DNAJC3: variants seen among roughly 807,000 people sequenced by gnomAD.
DNAJC3 encodes the protein DnaJ heat shock protein family (Hsp40) member C3.
Under a neutral mutation model 68.6 loss-of-function variants are expected in DNAJC3, and 38 were observed. The observed-to-expected ratio is 0.55, with a 90% CI of 0.43 to 0.73. The LOEUF (loss-of-function observed/expected upper bound fraction) is 0.73. Ranked by LOEUF, DNAJC3 falls within the 30% of genes least tolerant of loss-of-function variation. The probability of loss-of-function intolerance (pLI) is 0.00; values close to 1 mark genes in which losing one functional copy is unlikely to be tolerated. For missense variants in DNAJC3, 526 were observed against 591.9 expected (o/e 0.89, Z 1.16); for synonymous variants, 203 against 204.0 (o/e 1.00, Z 0.04).
At chr13:95,706,921 C>G (rs1296715612) in intron 1 of DNAJC3, among the ~76,000 whole-genome samples, 1 of 152,182 alleles carries the variant, frequency 6.6e-6, no homozygotes, top group Non-Finnish European at 1.5e-5. Flanking sequence ...AAGACCATGA[C>G]TTGATCTGAA....
intron 11 of DNAJC3, among the ~76,000 whole-genome samples, 162 bp downstream of exon 11, chr13:95,787,317 T>C (rs1012227577): frequency 3.3e-5 from 5 of 152,308 alleles, no homozygotes; most frequent in African/African-American, 4.8e-5. Context: ...AGCCCTCTTA[T>C]GTTGGGCACC....
chr13:95,690,537 G>A (rs1209723831), intron 1 of DNAJC3, among the ~76,000 whole-genome samples: 10 of 151,322 alleles, frequency 6.6e-5, no homozygotes, highest in African/African-American at 9.7e-5. Flanking sequence ...GGGCAGAGGG[G>A]CTCCTCACTT....
At chr13:95,734,778 ATTGT>A (rs1173417284) in intron 4 of DNAJC3, among the ~76,000 whole-genome samples, 15 of 147,344 alleles carry the variant, frequency 1.0e-4, no homozygotes, top group Non-Finnish European at 1.9e-4. Flanking sequence ...AAGTTCTGAA[ATTGT>A]TTGTTCTGCT....
intron 1 of DNAJC3, chr13:95,693,417 G>C (rs1400554821): frequency 6.6e-6 from 1 of 151,998 alleles, no homozygotes; most frequent in East Asian, 1.9e-4. Context: ...TATTGTCTTT[G>C]TTCTAATAGG....
intron 1 of DNAJC3, among the ~76,000 whole-genome samples, chr13:95,691,935 A>G (rs963208106): frequency 6.6e-6 from 1 of 152,202 alleles, no homozygotes; most frequent in Non-Finnish European, 1.5e-5. Context: ...CGCGCCTGCA[A>G]TCGCAGGCAC....
chr13:95,778,118 C>T (rs1883338473), intron 9 of DNAJC3, among the ~76,000 whole-genome samples: 1 of 152,066 alleles, frequency 6.6e-6, no homozygotes, highest in African/African-American at 2.4e-5. Flanking sequence ...GCCACACATG[C>T]AGCACACCTT....
chr13:95,725,151 A>G (rs1165690906), intron 3 of DNAJC3, 27 bp from the exon 4 acceptor site: 3 of 1,494,912 alleles, frequency 2.0e-6, no homozygotes, highest in African/African-American at 2.8e-5. Flanking sequence ...AATATTCAAG[A>G]TAATCCTCTG....
chr13:95,773,647 C>T (rs928144654), intron 9 of DNAJC3, among the ~76,000 whole-genome samples: 2 of 150,954 alleles, frequency 1.3e-5, no homozygotes, highest in African/African-American at 2.4e-5. Context: ...AAGATTATTC[C>T]TGCTTTGTTT....
chr13:95,707,988 G>A (rs1170852172), intron 1 of DNAJC3, among the ~76,000 whole-genome samples: 2 of 152,180 alleles, frequency 1.3e-5, no homozygotes, highest in African/African-American at 4.8e-5. Context: ...TTCTGTGGGT[G>A]TGAAATCTGG....
At chr13:95,770,509 T>C (rs996718964) in intron 9 of DNAJC3, among the ~76,000 whole-genome samples, 1 of 152,226 alleles carries the variant, frequency 6.6e-6, no homozygotes, top group African/African-American at 2.4e-5. Context: ...CAGTGCCTCA[T>C]ATGTAATAGA....
At position 95,793,705 on chromosome 13, in the gene DNAJC3, G is replaced by T. The variant is rs1470342012; in HGVS notation, c.*2675G>T. 7 of 152,102 alleles carry T rather than the reference G, an allele frequency of 4.6e-5. No homozygotes were observed. The highest frequency in any genetic ancestry group is 1.0e-4 in the Non-Finnish European group (7 of 68,122). The allele number at this position is 152,102 out of a possible 1,614,324, so 9.4% of individuals were successfully genotyped here. On this transcript the variant is annotated 3_prime_UTR_variant, in exon 12 of 12. Transcript: ENST00000602402. ...TCTTGATCTCCTGACCTTGTGATCT[G>T]CCCGCCTTGGCCTTCCAAAGTGTTG...
intron 4 of DNAJC3, among the ~76,000 whole-genome samples, chr13:95,743,928 A>G (rs567310998): frequency 2.6e-5 from 4 of 152,280 alleles, no homozygotes; most frequent in African/African-American, 7.2e-5. Context: ...TTCTTTGTCA[A>G]AATTGTTTTA....
rs770547039 is a variant in DNAJC3, at chr13:95,791,245, G to C, written c.*215G>C. 1 of 578,450 alleles carries C rather than the reference G, an allele frequency of 1.7e-6. No individual in the cohort carries two copies. 35.8% of individuals were successfully genotyped at this position (578,450 alleles called of 1,614,324 possible). A position where few individuals can be genotyped will look rare whatever the true frequency, so the allele number is the denominator to read the frequency against. Reference sequence around the variant, plus strand: ...GCAAGGAATGGTTCTATTTCTGACAGAGCAGCCTGCATCTGCTTTATGCTG... The same window carrying C: ...GCAAGGAATGGTTCTATTTCTGACACAGCAGCCTGCATCTGCTTTATGCTG... On this transcript the variant is annotated 3_prime_UTR_variant, in exon 12 of 12. Coordinates refer to ENST00000602402, the MANE Select transcript of DNAJC3 (RefSeq NM_006260.5).
At chr13:95,690,411 C>T (rs1388771804) in intron 1 of DNAJC3, among the ~76,000 whole-genome samples, 13 of 151,594 alleles carry the variant, frequency 8.6e-5, no homozygotes, top group East Asian at 5.9e-4. Flanking sequence ...GGCAACCATC[C>T]GATTTCTCAA....
chr13:95,727,688 A>G (rs893481526), intron 4 of DNAJC3, among the ~76,000 whole-genome samples: 2 of 152,250 alleles, frequency 1.3e-5, no homozygotes, highest in African/African-American at 4.8e-5. Context: ...ATAGCACTGT[A>G]TCACAACCAG....
intron 4 of DNAJC3, among the ~76,000 whole-genome samples, chr13:95,737,748 T>C (rs1881976002): frequency 2.0e-5 from 3 of 149,060 alleles, no homozygotes; most frequent in Admixed American, 1.3e-4. Flanking sequence ...GGTCTATCAA[T>C]TTTGTTGATC....
chr13:95,715,674 G>A (rs1212085213), intron 2 of DNAJC3, among the ~76,000 whole-genome samples: 3 of 151,352 alleles, frequency 2.0e-5, no homozygotes, highest in Non-Finnish European at 4.4e-5. Context: ...TTTTAGTAGA[G>A]ACGGGGTTTC....
intron 1 of DNAJC3, among the ~76,000 whole-genome samples, chr13:95,684,530 A>G (rs547017921): frequency 6.6e-6 from 1 of 152,386 alleles, no homozygotes; most frequent in South Asian, 2.1e-4. Flanking sequence ...ACCATGTGGT[A>G]GAAAAGAAAA....
chr13:95,731,997 C>G (rs1360763274), intron 4 of DNAJC3, among the ~76,000 whole-genome samples: 1 of 151,074 alleles, frequency 6.6e-6, no homozygotes, highest in Non-Finnish European at 1.5e-5. Context: ...ACCTTGGCCT[C>G]CCGAAGTGCT....
Sources: gnomAD v4.1 joint callset for allele counts (sites outside exome capture counted in the v4.1 genomes callset) on GRCh38, gnomAD v4.1.1 for gene constraint, MANE v1.5 for transcripts, NCBI Gene and HGNC (gene_info 2026-07-23, HGNC 2026-07-21) for gene names.